APOC4: variants seen among roughly 807,000 people sequenced by gnomAD.
APOC4 encodes apolipoprotein C-IV.
A neutral mutation model predicts 8.4 loss-of-function variants in APOC4; 10 were observed. That is an observed-to-expected ratio of 1.19 (90% CI 0.74 to 2.03). The LOEUF is 2.03. APOC4 is among the 30% of genes most tolerant of loss of function. The probability of loss-of-function intolerance (pLI) is 0.00; values close to 1 mark genes in which losing one functional copy is unlikely to be tolerated. For synonymous variants in APOC4, 59 were observed against 65.8 expected, an observed-to-expected ratio of 0.90 and a Z score of 0.50; for missense variants, 160 against 156.1, an observed-to-expected ratio of 1.02 and a Z score of -0.13.
At position 44,945,127 on chromosome 19, in the gene APOC4, C is replaced by T. The variant is rs1037871408; in HGVS notation, c.219-13C>T. The T allele has an allele frequency of 1.9e-6, 3 of 1,611,906 alleles. No homozygotes were observed. The highest frequency in any genetic ancestry group is 1.1e-5 in the South Asian group (1 of 90,924). On this transcript the variant is annotated splice_polypyrimidine_tract_variant and intron_variant, in intron 2 of 2. Coordinates refer to ENST00000592954, the MANE Select transcript of APOC4 (RefSeq NM_001646.3). ...GAGCTGGGGCCTCCACTGTGATGTC[C>T]TCTCTCCTGTAGGAGCCCGAGCACC... is the stretch of plus-strand genomic sequence containing the variant.
chr19:44,945,280 T>C lies in APOC4; in HGVS notation c.359T>C (p.Val120Ala), dbSNP rs767972302. 2.5e-6 allele frequency: 4 copies of C among 1,613,748 alleles called. No homozygotes were observed. In the South Asian group the frequency reaches 4.4e-5, roughly 18 times the overall value. Reference sequence around the variant, plus strand: ...ACCCACAGCCTGTGCCCCAGGCTTGTCTGTGGGGACAAGGACCAGGGTTAA... The same window carrying C: ...ACCCACAGCCTGTGCCCCAGGCTTGCCTGTGGGGACAAGGACCAGGGTTAA... ...KKTHSLCPRLVCGDKDQG is the reference protein window; with the variant it reads ...KKTHSLCPRLACGDKDQG The change falls in exon 3 of 3, where the codon GTC (valine) becomes GCC (alanine). Residue 120 changes from valine (V) to alanine (A), a missense_variant. Val to Ala is a moderately conservative substitution (Grantham distance 64). Transcript: ENST00000592954.
Position 44,945,450 on chromosome 19 carries a change from G to GAA in APOC4, c.*154_*155dup. ...AGATCTCTTGGGGGTAAAACAAAAA[G>GAA]AAAAAAAAAAGTTCATACTTCTCCA... On this transcript the variant is annotated 3_prime_UTR_variant, in exon 3 of 3. Coordinates refer to ENST00000592954, the MANE Select transcript of APOC4 (RefSeq NM_001646.3). 2.6e-5 allele frequency: 18 copies of GAA among 688,164 alleles called. No individual in the cohort carries two copies. The highest frequency in any genetic ancestry group is 3.6e-5 in the Non-Finnish European group (16 of 444,918). 42.6% of individuals were successfully genotyped at this position (688,164 alleles called of 1,614,324 possible).
chr19:44,942,359 A>C lies in APOC4; in HGVS notation c.76+6A>C, dbSNP rs914555961. 1.2e-6 allele frequency: 2 copies of C among 1,612,810 alleles called. No individual in the cohort carries two copies. Among genetic ancestry groups the C allele is most frequent in the Admixed American group, 3.3e-5 (2 of 59,890 alleles). On this transcript the variant is annotated splice_donor_region_variant and intron_variant, in intron 1 of 2. Transcript: ENST00000592954. ...GGTCCTGGCCTGCATTGGGGGTGAG[A>C]AGAAGTGGGTGGAGGGATGTGGGGC...
Position 44,942,306 on chromosome 19 carries a change from C to T in APOC4, c.29C>T (p.Ala10Val). Residue 10 changes from alanine (A) to valine (V), a missense_variant, in exon 1 of 3, where the codon GCC becomes GTC. Physicochemically the swap from Ala to Val is moderately conservative, Grantham distance 64. Transcript: ENST00000592954. MSLLRNRLQALPALCLCVLV... is the reference protein window; with the variant it reads MSLLRNRLQVLPALCLCVLV... ...TCCCTCCTCAGAAACAGGCTCCAGGCCCTGCCTGCCCTGTGCCTCTGCGTG... is the reference window on the plus strand; with the variant it reads ...TCCCTCCTCAGAAACAGGCTCCAGGTCCTGCCTGCCCTGTGCCTCTGCGTG... 6.2e-7 allele frequency: 1 copy of T among 1,613,306 alleles called. No homozygotes were observed. Among genetic ancestry groups the T allele is most frequent in the Non-Finnish European group, 8.5e-7 (1 of 1,179,664 alleles).
chr19:44,945,070 A>G (rs949447567), intron 2 of APOC4, 70 bp from the exon 3 acceptor site: 2 of 1,563,428 alleles, frequency 1.3e-6, no homozygotes, highest in African/African-American at 1.4e-5. Context: ...CACAGAGAGG[A>G]GCGGATAAAT....
In APOC4 at chr19:44,945,438, G is replaced by A. The variant is rs10425530; in HGVS notation, c.*133G>A. 6,960 of 859,022 alleles carry A rather than the reference G, an allele frequency of 8.1e-3. 265 individuals carry two copies. The African/African-American group carries it at 0.097, about 12-fold the overall frequency. The allele number at this position is 859,022 out of a possible 1,614,324, so 53.2% of individuals were successfully genotyped here. On this transcript the variant is annotated 3_prime_UTR_variant, in exon 3 of 3. Coordinates refer to ENST00000592954, the MANE Select transcript of APOC4 (RefSeq NM_001646.3). ...GGCAACACAGCGAGATCTCTTGGGG[G>A]TAAAACAAAAAGAAAAAAAAAAGTT...
At position 44,943,186 on chromosome 19, in the gene APOC4, G is replaced by A. The variant is rs868584805; in HGVS notation, c.76+833G>A. On this transcript the variant is annotated intron_variant, in intron 1 of 2. Coordinates refer to ENST00000592954, the MANE Select transcript of APOC4 (RefSeq NM_001646.3). The stretch of plus-strand genomic sequence containing the variant: ...TCCGCCTGCCTCGGCCTTCCAAAGT[G>A]CTAGGATTATAGGCGTGAGCCACTG... Among the ~76,000 whole-genome samples the A allele has an allele frequency of 4.7e-4, 72 of 151,910 alleles. 1 individual carries two copies. Among genetic ancestry groups the A allele is most frequent in the African/African-American group, 1.6e-3 (67 of 41,402 alleles).
At chr19:44,943,339 G>C (rs1970281263) in intron 1 of APOC4, among the ~76,000 whole-genome samples, 2 of 151,746 alleles carry the variant, frequency 1.3e-5, no homozygotes, top group Non-Finnish European at 2.9e-5. Context: ...AAAGTGCTGG[G>C]ATTACAGGCA....
chr19:44,943,109 G>A (rs1970277949), intron 1 of APOC4, among the ~76,000 whole-genome samples: 1 of 152,068 alleles, frequency 6.6e-6, no homozygotes, highest in African/African-American at 2.4e-5. Context: ...TTTTACTAGA[G>A]ACGGGGTTTC....
At chr19:44,943,861 A>C (rs1175707117) in intron 1 of APOC4, among the ~76,000 whole-genome samples, 1 of 152,264 alleles carries the variant, frequency 6.6e-6, no homozygotes, top group Admixed American at 6.5e-5. Context: ...AAGGAGAAAC[A>C]GTCCTGGGGA....
intron 1 of APOC4, among the ~76,000 whole-genome samples, chr19:44,944,452 A>G (rs1331744885): frequency 6.6e-6 from 1 of 151,940 alleles, no homozygotes; most frequent in Non-Finnish European, 1.5e-5. Flanking sequence ...GCCTGAATCC[A>G]GGAGGTGGAG....
At chr19:44,942,552 G>A (rs997249418) in intron 1 of APOC4, among the ~76,000 whole-genome samples, 199 bp downstream of exon 1, 1 of 152,172 alleles carries the variant, frequency 6.6e-6, no homozygotes, top group Non-Finnish European at 1.5e-5. Flanking sequence ...GGTACAAACT[G>A]GGATCATCTG....
chr19:44,944,672 A>C, intron 1 of APOC4, 77 bp from the exon 2 acceptor site: 1 of 1,501,594 alleles, frequency 6.7e-7, no homozygotes, highest in Non-Finnish European at 8.9e-7. Flanking sequence ...GGAGCGACAC[A>C]GGATGAGCAT....
Position 44,945,183 on chromosome 19 carries a change from G to C in APOC4, c.262G>C (p.Asp88His). ...FRGFMQTYYD[D>H]HLRDLGPLTK... The stretch of plus-strand genomic sequence containing the variant: ...GGGCTTCATGCAGACCTACTATGAC[G>C]ACCACCTGAGGGACCTGGGTCCGCT... The change falls in exon 3 of 3, where the codon GAC becomes CAC. Residue 88 changes from aspartate (D) to histidine (H), a missense_variant. Transcript: ENST00000592954. 1 of 1,614,042 alleles carries C rather than the reference G, an allele frequency of 6.2e-7. No homozygotes were observed. The highest frequency in any genetic ancestry group is 1.1e-5 in the South Asian group (1 of 91,068).
rs1044474558 is a variant in APOC4, at chr19:44,942,551, T to C, written c.76+198T>C. ...GTGTGAATGTCACATTGGTACAAAC[T>C]GGGATCATCTGTGTGTGTGCACGTG... On this transcript the variant is annotated intron_variant, in intron 1 of 2. Transcript: ENST00000592954. Among the ~76,000 whole-genome samples, 3 of 152,016 alleles carry C rather than the reference T, an allele frequency of 2.0e-5. No individual in the cohort carries two copies. In the East Asian group the frequency reaches 5.8e-4, roughly 29 times the overall value.
At chr19:44,944,449 T>A (rs1970293260) in intron 1 of APOC4, among the ~76,000 whole-genome samples, 1 of 150,182 alleles carries the variant, frequency 6.7e-6, no homozygotes, top group African/African-American at 2.5e-5. Context: ...ATTGCCTGAA[T>A]CCAGGAGGTG....
Position 44,944,864 on chromosome 19 carries a change from G to A in APOC4, c.192G>A (p.Arg64=), listed in dbSNP as rs1207012408. Reference sequence around the variant, plus strand: ...AGCTGCTGGAGACAGTGGTGAACAGGACCAGAGACGGGTGGCAATGGTTCT... The same window carrying A: ...AGCTGCTGGAGACAGTGGTGAACAGAACCAGAGACGGGTGGCAATGGTTCT... ...MKELLETVVN[R]TRDGWQWFWS... Residue 64 remains arginine (R), a synonymous_variant, in exon 2 of 3, where the codon AGG becomes AGA. Coordinates refer to ENST00000592954, the MANE Select transcript of APOC4 (RefSeq NM_001646.3). 15 of 1,607,588 alleles carry A rather than the reference G, an allele frequency of 9.3e-6. No individual in the cohort carries two copies. Among genetic ancestry groups the A allele is most frequent in the Non-Finnish European group, 2.5e-6 (3 of 1,177,812 alleles).
At chr19:44,942,668 A>G (rs147014312) in intron 1 of APOC4, among the ~76,000 whole-genome samples, 98 of 150,638 alleles carry the variant, frequency 6.5e-4, no homozygotes, top group Non-Finnish European at 1.2e-3. Context: ...TCTGTGGGGT[A>G]TGTGTGTGCA....
At chr19:44,945,096 TG>T in intron 2 of APOC4, 43 bp from the exon 3 acceptor site, 1 of 1,595,530 alleles carries the variant, frequency 6.3e-7, no homozygotes, top group Non-Finnish European at 8.5e-7. Flanking sequence ...AGAGAACACC[TG>T]GGGAGAGCTG....
Sources: gnomAD v4.1 joint callset for allele counts (sites outside exome capture counted in the v4.1 genomes callset) on GRCh38, gnomAD v4.1.1 for gene constraint, MANE v1.5 for transcripts, NCBI Gene and HGNC (gene_info 2026-07-23, HGNC 2026-07-21) for gene names.